SCEL: variants seen among roughly 807,000 people sequenced by gnomAD.
SCEL encodes sciellin.
In SCEL, 113 loss-of-function variants were observed where a neutral mutation model predicts 117.6. The ratio of observed to expected loss-of-function variants is 0.96; its 90% CI spans 0.83 to 1.12. The LOEUF is 1.12. SCEL is among the 50% of genes most tolerant of loss of function. The pLI is 0.00. For missense variants in SCEL, 785 were observed against 810.8 expected, an observed-to-expected ratio of 0.97 and a Z score of 0.39; for synonymous variants, 270 against 256.2, an observed-to-expected ratio of 1.05 and a Z score of -0.51.
At position 77,644,313 on chromosome 13, in the gene SCEL, A is replaced by G. The variant is rs768444949; in HGVS notation, c.*39A>G. On this transcript the variant is annotated 3_prime_UTR_variant, in exon 33 of 33. Transcript: ENST00000349847. ...AAATCAAGATGAAAAGCACTCATTA[A>G]GGAATTAAAGTTACAAGTTTTATCT... 30 of 1,600,752 alleles carry G rather than the reference A, an allele frequency of 1.9e-5. No individual in the cohort carries two copies. In the South Asian group the frequency reaches 2.8e-4, roughly 15 times the overall value.
intron 1 of SCEL, among the ~76,000 whole-genome samples, chr13:77,540,407 A>G (rs1448076469): frequency 1.3e-5 from 2 of 152,274 alleles, no homozygotes; most frequent in Admixed American, 6.5e-5. Flanking sequence ...CCATACACAC[A>G]GTCTTAGGTG....
intron 1 of SCEL, among the ~76,000 whole-genome samples, chr13:77,539,675 C>T (rs2083595689): frequency 1.3e-5 from 2 of 152,064 alleles, no homozygotes; most frequent in South Asian, 4.1e-4. Flanking sequence ...GCTGGGACTA[C>T]AGGCGCCCAC....
Position 77,637,231 on chromosome 13 carries a change from C to G in SCEL, c.1838+37C>G, listed in dbSNP as rs1273284263. ...TTTATTTCCATACATAAAAAGTACA[C>G]ACATACAGACACACACACACATATA... On this transcript the variant is annotated intron_variant, in intron 30 of 32. Coordinates refer to ENST00000349847, the MANE Select transcript of SCEL (RefSeq NM_144777.3). 4 of 900,316 alleles carry G rather than the reference C, an allele frequency of 4.4e-6. No homozygotes were observed. The African/African-American group carries it at 7.9e-5, about 18-fold the overall frequency. 55.8% of individuals were successfully genotyped at this position (900,316 alleles called of 1,614,324 possible).
intron 18 of SCEL, 33 bp from the exon 19 acceptor site, chr13:77,604,323 A>G (rs1161855122): frequency 8.1e-6 from 11 of 1,361,848 alleles, no homozygotes; most frequent in Non-Finnish European, 1.1e-5. Flanking sequence ...ATACTTTAAC[A>G]TCATTCATTA....
At position 77,569,392 on chromosome 13, in the gene SCEL, T is replaced by C. The variant is rs199626157; in HGVS notation, c.420T>C (p.Asn140=). 1.9e-6 allele frequency: 3 copies of C among 1,613,978 alleles called. No homozygotes were observed. The highest frequency in any genetic ancestry group is 8.5e-7 in the Non-Finnish European group (1 of 1,179,832). Residue 140 remains asparagine (N), a synonymous_variant, in exon 8 of 33, where the codon AAT becomes AAC. Transcript: ENST00000349847. ...VTKLQPGGSL[N]ANTSNTIAST... ...ACAGGCAACCTGGCGGTTCATTGAA[T>C]GCCAACACCTCCAACACCATAGCAT...
At chr13:77,536,124 A>T (rs939431048) in intron 1 of SCEL, among the ~76,000 whole-genome samples, 1 of 151,988 alleles carries the variant, frequency 6.6e-6, no homozygotes, top group Non-Finnish European at 1.5e-5. Context: ...AGGATAATAA[A>T]TTCTTTAAGT....
intron 23 of SCEL, among the ~76,000 whole-genome samples, chr13:77,613,235 A>G (rs2088792931): frequency 6.6e-6 from 1 of 151,426 alleles, no homozygotes; most frequent in African/African-American, 2.5e-5. Context: ...CATAGTTAAT[A>G]AATTACAAGT....
At chr13:77,579,843 G>A (rs1362366767) in intron 9 of SCEL, among the ~76,000 whole-genome samples, 1 of 152,150 alleles carries the variant, frequency 6.6e-6, no homozygotes, top group Non-Finnish European at 1.5e-5. Context: ...GGCATTCCAG[G>A]CAGAAAGGAG....
chr13:77,626,345 T>C (rs1455690847), intron 27 of SCEL, among the ~76,000 whole-genome samples: 1 of 152,200 alleles, frequency 6.6e-6, no homozygotes, highest in Non-Finnish European at 1.5e-5. Flanking sequence ...AGGTGACATT[T>C]GGGTGGGGAC....
chr13:77,599,260 T>C (rs1277641040), intron 13 of SCEL, 69 bp from the exon 14 acceptor site: 17 of 1,103,956 alleles, frequency 1.5e-5, no homozygotes, highest in Non-Finnish European at 2.3e-5. Flanking sequence ...TAAACTGGTC[T>C]ATGTTCTTAT....
At chr13:77,579,507 C>G (rs1164340589) in intron 9 of SCEL, among the ~76,000 whole-genome samples, 5 of 152,184 alleles carry the variant, frequency 3.3e-5, no homozygotes, top group Non-Finnish European at 7.3e-5. Flanking sequence ...CTGTGTTTCT[C>G]CCTGTCTCTG....
At chr13:77,571,168 C>T (rs1170163649) in intron 8 of SCEL, among the ~76,000 whole-genome samples, 1 of 150,044 alleles carries the variant, frequency 6.7e-6, no homozygotes, top group Non-Finnish European at 1.5e-5. Context: ...TGAGGCCGGG[C>T]GCGGTGGCTC....
At chr13:77,642,637 A>C (rs1594215663) in intron 31 of SCEL, 69 bp from the exon 32 acceptor site, 2 of 919,486 alleles carry the variant, frequency 2.2e-6, no homozygotes, top group South Asian at 3.4e-5. Context: ...TAGAGAGATG[A>C]TGTCTGTTCC....
chr13:77,616,208 GTTAC>G (rs1268229059), intron 24 of SCEL, among the ~76,000 whole-genome samples: 4 of 151,700 alleles, frequency 2.6e-5, no homozygotes, highest in African/African-American at 7.3e-5. Flanking sequence ...TTTTTTTTAT[GTTAC>G]TTACTCTTAA....
chr13:77,624,129 G>A, intron 27 of SCEL, among the ~76,000 whole-genome samples: 1 of 142,866 alleles, frequency 7.0e-6, no homozygotes, highest in Non-Finnish European at 1.5e-5. Flanking sequence ...TTTTGAGATG[G>A]AGTCTCACCC....
intron 9 of SCEL, among the ~76,000 whole-genome samples, chr13:77,575,395 T>C (rs780508633): frequency 5.9e-5 from 9 of 152,216 alleles, no homozygotes; most frequent in Admixed American, 3.3e-4. Context: ...TACATGTAAT[T>C]GTATGTTTAT....
At chr13:77,573,638 C>CATCTATCTATCTATCTATCT (rs10565753) in intron 9 of SCEL, among the ~76,000 whole-genome samples, 1 of 149,752 alleles carries the variant, frequency 6.7e-6, no homozygotes, top group African/African-American at 2.5e-5. Context: ...TCTGTCATTA[C>CATCTATCTATCTATCTATCT]ATCTATCTAT....
At chr13:77,584,600 A>G (rs1040430994) in intron 9 of SCEL, among the ~76,000 whole-genome samples, 1 of 152,196 alleles carries the variant, frequency 6.6e-6, no homozygotes, top group African/African-American at 2.4e-5. Context: ...TGAGTATGTC[A>G]TTAACATGAC....
chr13:77,611,315 T>A (rs1287682628), intron 22 of SCEL, among the ~76,000 whole-genome samples: 1 of 151,846 alleles, frequency 6.6e-6, no homozygotes, highest in Non-Finnish European at 1.5e-5. Context: ...AGGGCCATAG[T>A]TTGCTGACCC....
Sources: allele counts gnomAD v4.1 joint callset (sites outside exome capture counted in the v4.1 genomes callset), GRCh38; gene constraint gnomAD v4.1.1; transcripts MANE v1.5; gene names NCBI Gene and HGNC (gene_info 2026-07-23, HGNC 2026-07-21).